The following PRKG1 variants were observed in gnomAD, a reference collection of about 807,000 sequenced individuals.
PRKG1 encodes the protein protein kinase cGMP-dependent 1, also known as cGMP-dependent protein kinase 1.
Under a neutral mutation model 88.1 loss-of-function variants are expected in PRKG1, and 35 were observed. The ratio of observed to expected loss-of-function variants is 0.40; its 90% CI spans 0.30 to 0.53. PRKG1 has a LOEUF of 0.53. Among genes scored for constraint, PRKG1 ranks in the 20% least tolerant of loss-of-function variants. The pLI is 0.59. For synonymous variants in PRKG1, 303 were observed against 292.5 expected (o/e 1.04, Z -0.37); for missense variants, 540 against 839.8 (o/e 0.64, Z 4.41).
At chr10:51,438,281 A>AT (rs1241783026) in intron 2 of PRKG1, among the ~76,000 whole-genome samples, 3 of 151,932 alleles carry the variant, frequency 2.0e-5, no homozygotes, top group African/African-American at 7.2e-5. Flanking sequence ...CATTATGGTA[A>AT]TTTTTTATAA....
intron 1 of PRKG1, among the ~76,000 whole-genome samples, chr10:51,023,552 G>T (rs16912746): frequency 6.6e-6 from 1 of 151,984 alleles, no homozygotes; most frequent in Admixed American, 6.6e-5. Flanking sequence ...ATATTATCCT[G>T]CACTGATTTT....
At chr10:52,269,603 ATAAT>A (rs1841664916) in intron 10 of PRKG1, among the ~76,000 whole-genome samples, 1 of 152,108 alleles carries the variant, frequency 6.6e-6, no homozygotes, top group Admixed American at 6.6e-5. Context: ...GAAGCAGTAA[ATAAT>A]TAACGACTAA....
intron 7 of PRKG1, among the ~76,000 whole-genome samples, chr10:52,123,032 T>C (rs1847855970): frequency 1.3e-5 from 2 of 152,208 alleles, no homozygotes; most frequent in African/African-American, 2.4e-5. Flanking sequence ...CCATAGAAAA[T>C]TGTCAATATT....
intron 3 of PRKG1, among the ~76,000 whole-genome samples, chr10:51,710,123 A>T (rs1382057807): frequency 6.6e-6 from 1 of 152,158 alleles, no homozygotes; most frequent in East Asian, 1.9e-4. Context: ...AGGAAACTTT[A>T]TCATTAGCCT....
intron 3 of PRKG1, among the ~76,000 whole-genome samples, chr10:51,700,860 CT>C (rs1164852555): frequency 6.6e-6 from 1 of 152,110 alleles, no homozygotes; most frequent in Non-Finnish European, 1.5e-5. Context: ...ATAGAATCTA[CT>C]TTTGCAATAA....
intron 2 of PRKG1, among the ~76,000 whole-genome samples, chr10:51,297,030 G>C (rs1289654422): frequency 6.6e-6 from 1 of 152,026 alleles, no homozygotes; most frequent in Non-Finnish European, 1.5e-5. Context: ...TTCTAGGACT[G>C]ACTGGTCATA....
intron 5 of PRKG1, chr10:51,911,110 A>C (rs534718305): frequency 6.6e-6 from 1 of 152,200 alleles, no homozygotes; most frequent in Non-Finnish European, 1.5e-5. Flanking sequence ...CCTATGTTCA[A>C]GTATAAAAAA....
chr10:51,016,449 A>G (rs1843061358), intron 1 of PRKG1, among the ~76,000 whole-genome samples: 1 of 152,098 alleles, frequency 6.6e-6, no homozygotes, highest in Non-Finnish European at 1.5e-5. Context: ...TAACTAAAGC[A>G]TCATTTCAGG....
intron 3 of PRKG1, among the ~76,000 whole-genome samples, chr10:51,713,592 G>C (rs1437245363): frequency 1.3e-5 from 2 of 152,116 alleles, no homozygotes; most frequent in African/African-American, 4.8e-5. Context: ...AATATATGTG[G>C]AATAAGATAT....
At chr10:51,285,857 G>A (rs1226724994) in intron 2 of PRKG1, among the ~76,000 whole-genome samples, 1 of 152,206 alleles carries the variant, frequency 6.6e-6, no homozygotes, top group East Asian at 1.9e-4. Context: ...AACAGGCACA[G>A]CAAATGAAGC....
chr10:51,045,679 A>G (rs1843480564), intron 1 of PRKG1, among the ~76,000 whole-genome samples: 1 of 152,228 alleles, frequency 6.6e-6, no homozygotes, highest in African/African-American at 2.4e-5. Flanking sequence ...CATTTCCACA[A>G]CTGTGCTCGT....
At chr10:51,540,089 C>A (rs1214455580) in intron 3 of PRKG1, among the ~76,000 whole-genome samples, 3 of 152,112 alleles carry the variant, frequency 2.0e-5, no homozygotes, top group Non-Finnish European at 4.4e-5. Flanking sequence ...AAGAATTTTT[C>A]TCTGCTATAA....
intron 5 of PRKG1, among the ~76,000 whole-genome samples, chr10:52,019,045 G>T (rs113007766): frequency 3.6e-3 from 547 of 152,250 alleles, no homozygotes; most frequent in African/African-American, 0.013. Flanking sequence ...TCTGGTGAGG[G>T]CCTCATCCTG....
chr10:52,189,404 C>G (rs1382620688), intron 9 of PRKG1, among the ~76,000 whole-genome samples: 1 of 152,178 alleles, frequency 6.6e-6, no homozygotes, highest in Non-Finnish European at 1.5e-5. Context: ...CCATGGACTG[C>G]TCCATGGCCT....
At chr10:51,869,661 T>A (rs773017443) in intron 4 of PRKG1, among the ~76,000 whole-genome samples, 13 of 152,132 alleles carry the variant, frequency 8.5e-5, no homozygotes, top group Non-Finnish European at 1.5e-4. Flanking sequence ...CAAACAACAT[T>A]ATGTGCATAC....
At chr10:51,328,158 G>A (rs1240854850) in intron 2 of PRKG1, among the ~76,000 whole-genome samples, 3 of 152,102 alleles carry the variant, frequency 2.0e-5, no homozygotes, top group Non-Finnish European at 4.4e-5. Flanking sequence ...GCCCCTGGTA[G>A]CCACCATTCT....
intron 3 of PRKG1, among the ~76,000 whole-genome samples, chr10:51,763,346 C>T (rs745399523): frequency 6.6e-6 from 1 of 152,034 alleles, no homozygotes; most frequent in Non-Finnish European, 1.5e-5. Flanking sequence ...ATCCTCCCAC[C>T]TCAGCCTCCC....
intron 5 of PRKG1, among the ~76,000 whole-genome samples, chr10:51,982,511 C>T (rs183528109): frequency 8.5e-5 from 13 of 152,222 alleles, no homozygotes; most frequent in African/African-American, 2.4e-4. Flanking sequence ...TTGATGACCT[C>T]GACTGTTTGA....
chr10:51,585,484 T>C (rs1838149997), intron 3 of PRKG1, among the ~76,000 whole-genome samples: 1 of 152,132 alleles, frequency 6.6e-6, no homozygotes. Context: ...TACCTACAGA[T>C]GGCTTAAAGT....
Sources: gnomAD v4.1 joint callset for allele counts (sites outside exome capture counted in the v4.1 genomes callset) on GRCh38, gnomAD v4.1.1 for gene constraint, MANE v1.5 for transcripts, NCBI Gene and HGNC (gene_info 2026-07-23, HGNC 2026-07-21) for gene names.